The following GATAD2A variants were observed in gnomAD, a reference collection of about 807,000 sequenced individuals.
GATAD2A encodes the protein transcriptional repressor p66-alpha.
GATAD2A carries 12 observed loss-of-function variants against 68.5 expected under a neutral mutation model. That is an observed-to-expected ratio of 0.18 (90% CI 0.11 to 0.28). GATAD2A has a LOEUF of 0.28. GATAD2A is among the 10% of genes least tolerant of loss of function. The pLI is 1.00. For synonymous variants in GATAD2A, 410 were observed against 375.3 expected (o/e 1.09, Z -1.07); for missense variants, 755 against 868.5 (o/e 0.87, Z 1.64).
exon 1 of GATAD2A, chr19:19,385,941 CCGCCGCCCGAGCGCGCCCCG>C (rs2048382789): frequency 6.7e-6 from 1 of 148,290 alleles, no homozygotes; most frequent in Non-Finnish European, 1.5e-5. Context: ...ACGCGCACCC[CCGCCGCCCGAGCGCGCCCCG>C]CGCCGCCCGC....
intron 1 of GATAD2A, among the ~76,000 whole-genome samples, chr19:19,447,526 A>G (rs1397009509): frequency 1.3e-5 from 2 of 152,258 alleles, no homozygotes; most frequent in African/African-American, 4.8e-5. Context: ...CCCTGAGGGG[A>G]AGAGTTCCAT....
intron 1 of GATAD2A, among the ~76,000 whole-genome samples, chr19:19,441,528 A>G (rs905425746): frequency 6.6e-6 from 1 of 151,788 alleles, no homozygotes; most frequent in Non-Finnish European, 1.5e-5. Context: ...ATGCACCACC[A>G]TGTCCAGCAA....
intron 1 of GATAD2A, among the ~76,000 whole-genome samples, chr19:19,407,024 A>G (rs2050357162): frequency 6.6e-6 from 1 of 152,154 alleles, no homozygotes; most frequent in African/African-American, 2.4e-5. Context: ...TGAGCCTTTA[A>G]TTTTCTTTCT....
At chr19:19,393,214 A>T (rs1049843845) in intron 1 of GATAD2A, among the ~76,000 whole-genome samples, 1 of 152,100 alleles carries the variant, frequency 6.6e-6, no homozygotes, top group African/African-American at 2.4e-5. Flanking sequence ...GAGGCACAAG[A>T]ATGGCTTGAA....
chr19:19,469,721 C>T lies in GATAD2A; in HGVS notation c.269+4107C>T, dbSNP rs141839658. ...CAGCACTTTGGGAGGCCAAAGTGGG[C>T]GGATCACAAGGTCAGGAGTTTGATA... On this transcript the variant is annotated intron_variant, in intron 2 of 11. Transcript: ENST00000683918. Among the ~76,000 whole-genome samples, 811 of 152,070 alleles carry T rather than the reference C, an allele frequency of 5.3e-3. 6 individuals are homozygous for T. The highest frequency in any genetic ancestry group is 0.04 in the South Asian group (193 of 4,818).
chr19:19,426,336 T>G (rs1287739940), intron 1 of GATAD2A, among the ~76,000 whole-genome samples: 1 of 152,110 alleles, frequency 6.6e-6, no homozygotes, highest in African/African-American at 2.4e-5. Context: ...GTCATCTCCA[T>G]TCACACAACA....
At chr19:19,444,344 C>T (rs769924638) in intron 1 of GATAD2A, among the ~76,000 whole-genome samples, 5 of 152,120 alleles carry the variant, frequency 3.3e-5, no homozygotes, top group Non-Finnish European at 5.9e-5. Flanking sequence ...AGGGACCCAG[C>T]GAACAGTGTG....
chr19:19,421,873 G>A (rs11669516), intron 1 of GATAD2A, among the ~76,000 whole-genome samples: 29,575 of 151,458 alleles, frequency 0.2, 3,108 homozygotes, highest in South Asian at 0.35. Flanking sequence ...GGCTGGGAGT[G>A]TGCAGTGGTG....
intron 2 of GATAD2A, among the ~76,000 whole-genome samples, chr19:19,475,451 G>A (rs549321995): frequency 8.6e-5 from 13 of 150,384 alleles, no homozygotes; most frequent in African/African-American, 2.7e-4. Context: ...GGGGGCTCCG[G>A]AGCGGGGTAC....
chr19:19,479,831 CTTTTTT>C (rs35537344), intron 2 of GATAD2A, among the ~76,000 whole-genome samples: 3 of 85,578 alleles, frequency 3.5e-5, no homozygotes, highest in African/African-American at 9.6e-5. Flanking sequence ...GTGGCCCACT[CTTTTTT>C]TTTTTTTTTT....
rs964283262 is a variant in GATAD2A at position 19,492,318 on chromosome 19, C to T, written c.282C>T (p.Ser94=). ...CTCCACCCCACAGTGACATGAAGTCCGAGAGGAGACCCCCCTCACCTGACG... is the reference window on the plus strand; with the variant it reads ...CTCCACCCCACAGTGACATGAAGTCTGAGAGGAGACCCCCCTCACCTGACG... ...DMRTSHSDMK[S]ERRPPSPDVI... is the part of the protein sequence containing the mutation. Residue 94 remains serine (S), a synonymous_variant, in exon 3 of 12, where the codon TCC becomes TCT. Transcript: ENST00000683918. 26 of 1,603,306 alleles carry T rather than the reference C, an allele frequency of 1.6e-5. No homozygotes were observed. The highest frequency in any genetic ancestry group is 2.7e-5 in the African/African-American group (2 of 74,682).
chr19:19,488,918 G>A (rs1407419581), intron 2 of GATAD2A, among the ~76,000 whole-genome samples: 1 of 152,160 alleles, frequency 6.6e-6, no homozygotes, highest in Non-Finnish European at 1.5e-5. Context: ...GGAGTGAATG[G>A]CAGACGCTGT....
chr19:19,434,926 T>C, intron 1 of GATAD2A: 1 of 305,180 alleles, frequency 3.3e-6, no homozygotes, highest in Non-Finnish European at 7.1e-6. Context: ...AGGCACATCA[T>C]GCCCTCATCT....
At chr19:19,425,813 A>G (rs1299494571) in intron 1 of GATAD2A, among the ~76,000 whole-genome samples, 1 of 150,828 alleles carries the variant, frequency 6.6e-6, no homozygotes, top group Non-Finnish European at 1.5e-5. Context: ...TTTTTTAGAC[A>G]AGGTCTGGCT....
intron 1 of GATAD2A, among the ~76,000 whole-genome samples, chr19:19,444,691 C>T (rs1176586242): frequency 4.0e-5 from 6 of 151,848 alleles, no homozygotes; most frequent in African/African-American, 1.2e-4. Context: ...GGCAACATGG[C>T]GAGACCTCGT....
Position 19,498,443 on chromosome 19 carries a change from C to A in GATAD2A, c.925C>A (p.Pro309Thr), listed in dbSNP as rs770176792. The A allele has an allele frequency of 1.3e-6, 2 of 1,598,836 alleles. No homozygotes were observed. Among genetic ancestry groups the A allele is most frequent in the Non-Finnish European group, 1.7e-6 (2 of 1,167,670 alleles). ...CTGACTGAGTTTTTGTCTCCCAAAG[C>A]CCACCCCAGCATCACTGAAGGGGAC... ...NTSLLVNIPQ[P>T]TPASLKGTTA... The change falls in exon 8 of 12, where the codon CCC becomes ACC. Residue 309 changes from proline to threonine, a missense_variant and splice_region_variant. Transcript: ENST00000683918.
intron 4 of GATAD2A, 111 bp downstream of exon 4, chr19:19,492,823 A>G (rs2059892342): frequency 3.8e-6 from 4 of 1,059,202 alleles, no homozygotes; most frequent in Non-Finnish European, 1.4e-6. Flanking sequence ...TTGAGGGAGT[A>G]TAGGGCAAGG....
chr19:19,420,809 T>C (rs998153698), intron 1 of GATAD2A, among the ~76,000 whole-genome samples: 2 of 152,120 alleles, frequency 1.3e-5, no homozygotes, highest in African/African-American at 4.8e-5. Context: ...CGTATGAGTG[T>C]TGGTATGATG....
In GATAD2A at chr19:19,506,134, C is replaced by T. The variant is rs1600325327; in HGVS notation, c.*660C>T. ...CTGGCAGGGACGGCCGGCCCGCCCC[C>T]GTGACTGACTGACAGATGCAGGGAT... On this transcript the variant is annotated 3_prime_UTR_variant, in exon 12 of 12. Coordinates refer to ENST00000683918, the MANE Select transcript of GATAD2A (RefSeq NM_001384528.1). The T allele has an allele frequency of 7.5e-6, 3 of 398,914 alleles. No homozygotes were observed. Among genetic ancestry groups the T allele is most frequent in the Admixed American group, 4.4e-5 (1 of 22,708 alleles). The allele number at this position is 398,914 out of a possible 1,614,324, so 24.7% of individuals were successfully genotyped here. A position where few individuals can be genotyped will look rare whatever the true frequency, so the allele number is the denominator to read the frequency against.
Sources: gnomAD v4.1 joint callset for allele counts (sites outside exome capture counted in the v4.1 genomes callset) on GRCh38, gnomAD v4.1.1 for gene constraint, MANE v1.5 for transcripts, NCBI Gene and HGNC (gene_info 2026-07-23, HGNC 2026-07-21) for gene names.